Variants in VCL observed in about 807,000 individuals in gnomAD.
The protein encoded by VCL is vinculin.
In VCL, 47 loss-of-function variants were observed where a neutral mutation model predicts 125.7. That is an observed-to-expected ratio of 0.37 (90% confidence interval 0.30 to 0.48). The LOEUF is 0.48. Ranked by LOEUF, VCL falls within the 20% of genes least tolerant of loss-of-function variation. The pLI is 0.99. For missense variants in VCL, 1,069 were observed against 1,455.5 expected (o/e 0.73, Z 4.32); for synonymous variants, 458 against 514.6 (o/e 0.89, Z 1.49).
At chr10:74,090,274 C>G in intron 10 of VCL, 76 bp downstream of exon 10, 2 of 1,540,258 alleles carry the variant, frequency 1.3e-6, no homozygotes, top group Non-Finnish European at 8.9e-7. Flanking sequence ...CCCTTTCTTT[C>G]TTTCTTCCCC....
intron 2 of VCL, among the ~76,000 whole-genome samples, chr10:74,060,482 A>G (rs1316074175): frequency 1.3e-5 from 2 of 151,536 alleles, no homozygotes; most frequent in African/African-American, 4.9e-5. Context: ...ATGAAACCTC[A>G]TCTCTACGCA....
intron 1 of VCL, among the ~76,000 whole-genome samples, chr10:74,033,539 A>G (rs990997349): frequency 5.3e-5 from 8 of 152,116 alleles, no homozygotes; most frequent in African/African-American, 1.9e-4. Context: ...GGCTTTTATG[A>G]CAGAGTTCTA....
chr10:74,108,978 A>G lies in VCL; in HGVS notation c.2567A>G (p.Asp856Gly). ...PPDLEQLRLT[D>G]ELAPPKPPLP... is the part of the protein sequence containing the mutation. ...TTGTTTTCTCTTTTTTAGCTAACAG[A>G]TGAGCTTGCTCCTCCCAAACCACCT... Residue 856 changes from aspartate (D) to glycine (G), a missense_variant, in exon 18 of 22, where the codon GAT becomes GGT. This residue lies in a region of VCL where 760 missense variants were observed against 928.9 expected (regional missense o/e 0.82). Coordinates refer to ENST00000211998, the MANE Select transcript of VCL (RefSeq NM_014000.3). 6.2e-7 allele frequency: 1 copy of G among 1,614,088 alleles called. No homozygotes were observed. The highest frequency in any genetic ancestry group is 8.5e-7 in the Non-Finnish European group (1 of 1,180,012).
chr10:74,069,016 C>A (rs977031613), intron 2 of VCL, among the ~76,000 whole-genome samples: 6 of 151,708 alleles, frequency 4.0e-5, no homozygotes, highest in Admixed American at 3.3e-4. Context: ...TTGCCCTTCA[C>A]TGATATTTAT....
intron 2 of VCL, among the ~76,000 whole-genome samples, chr10:74,068,603 G>T (rs140149068): frequency 6.6e-6 from 1 of 152,270 alleles, no homozygotes; most frequent in African/African-American, 2.4e-5. Flanking sequence ...GGGATTACAC[G>T]TGTGAGCCAC....
chr10:74,086,143 G>A (rs527260629), intron 8 of VCL, among the ~76,000 whole-genome samples: 43 of 152,252 alleles, frequency 2.8e-4, no homozygotes, highest in Middle Eastern at 3.4e-3. Context: ...CTGGGATTAC[G>A]GGTGTGAGCC....
At chr10:74,064,411 C>CT (rs368440267) in intron 2 of VCL, among the ~76,000 whole-genome samples, 107 of 146,526 alleles carry the variant, frequency 7.3e-4, no homozygotes, top group Admixed American at 1.1e-3. Flanking sequence ...ACAAAAGACA[C>CT]TTTTTTTTTT....
chr10:74,094,381 A>C lies in VCL; in HGVS notation c.1463A>C (p.Lys488Thr). Residue 488 changes from lysine (K) to threonine (T), a missense_variant, in exon 11 of 22, where the codon AAA becomes ACA. Transcript: ENST00000211998. Reference sequence around the variant, plus strand: ...GCTGTGGCCAACAGCAGACCGGCCAAAGCAGCTGTACACCTTGAGGGCAAG... The same window carrying C: ...GCTGTGGCCAACAGCAGACCGGCCACAGCAGCTGTACACCTTGAGGGCAAG... ...NRAVANSRPA[K>T]AAVHLEGKIE... 1.2e-6 allele frequency: 2 copies of C among 1,614,172 alleles called. No individual in the cohort carries two copies. Among genetic ancestry groups the C allele is most frequent in the Non-Finnish European group, 1.7e-6 (2 of 1,180,024 alleles).
chr10:74,061,188 A>G (rs1841473952), intron 2 of VCL, among the ~76,000 whole-genome samples: 1 of 152,224 alleles, frequency 6.6e-6, no homozygotes, highest in Non-Finnish European at 1.5e-5. Context: ...GGGAGCTTGA[A>G]TGTTTAAATA....
chr10:74,019,815 C>T (rs1313705011), intron 1 of VCL, among the ~76,000 whole-genome samples: 1 of 152,172 alleles, frequency 6.6e-6, no homozygotes, highest in Non-Finnish European at 1.5e-5. Context: ...CTAATCCCTG[C>T]ACTTTAGGAG....
In VCL at chr10:74,048,889, G is replaced by A. The variant is rs151084758; in HGVS notation, c.239+5736G>A. ...TAATCCCAGCACTTTGGGAGGCCGA[G>A]GCGGGGGGATTGTGAGGTCAGGAGA... On this transcript the variant is annotated intron_variant, in intron 2 of 21. Coordinates refer to ENST00000211998, the MANE Select transcript of VCL (RefSeq NM_014000.3). Among the ~76,000 whole-genome samples the A allele has an allele frequency of 2.5e-3, 384 of 152,320 alleles. 4 individuals are homozygous for A. Among genetic ancestry groups the A allele is most frequent in the Middle Eastern group, 0.02 (6 of 294 alleles).
chr10:74,102,161 G>A (rs1334624913), intron 14 of VCL, among the ~76,000 whole-genome samples: 1 of 151,826 alleles, frequency 6.6e-6, no homozygotes, highest in Non-Finnish European at 1.5e-5. Flanking sequence ...TACTGCGGCC[G>A]GCTTGGATAA....
intron 1 of VCL, among the ~76,000 whole-genome samples, chr10:74,010,202 G>T (rs1408673162): frequency 6.6e-6 from 1 of 152,212 alleles, no homozygotes; most frequent in African/African-American, 2.4e-5. Flanking sequence ...TGGGATTACA[G>T]GCTGTGAGCC....
rs555181006 is a variant in VCL, at chr10:74,032,229, C to G, written c.169-10854C>G. 5.5e-5 allele frequency among the ~76,000 whole-genome samples: 7 copies of G among 126,252 alleles called. No individual in the cohort carries two copies. The East Asian group carries it at 1.4e-3, about 26-fold the overall frequency. 82.8% of individuals were successfully genotyped at this position (126,252 alleles called of 152,430 possible). On this transcript the variant is annotated intron_variant, in intron 1 of 21. Transcript: ENST00000211998. ...CACTCTAGTCTGGGCAACAGAGACTCTGTTTCAGAATAAAAAAAAAAAAAA... is the reference window on the plus strand; with the variant it reads ...CACTCTAGTCTGGGCAACAGAGACTGTGTTTCAGAATAAAAAAAAAAAAAA...
intron 19 of VCL, among the ~76,000 whole-genome samples, chr10:74,113,599 C>A (rs1401377093): frequency 6.6e-6 from 1 of 151,350 alleles, no homozygotes; most frequent in Non-Finnish European, 1.5e-5. Context: ...TTTTCCCTCA[C>A]CCAGCTGAGA....
intron 1 of VCL, among the ~76,000 whole-genome samples, chr10:74,041,259 T>C (rs1208122673): frequency 6.6e-6 from 1 of 152,206 alleles, no homozygotes; most frequent in Admixed American, 6.5e-5. Context: ...TTCACAGATT[T>C]CTACATTAAA....
intron 2 of VCL, among the ~76,000 whole-genome samples, chr10:74,043,795 G>A (rs745404361): frequency 9.2e-5 from 14 of 151,934 alleles, no homozygotes; most frequent in Non-Finnish European, 1.6e-4. Flanking sequence ...GGGAATAATG[G>A]TAGATATAAA....
At chr10:74,093,050 ACT>A (rs966398412) in intron 10 of VCL, among the ~76,000 whole-genome samples, 3 of 152,140 alleles carry the variant, frequency 2.0e-5, no homozygotes, top group Non-Finnish European at 2.9e-5. Flanking sequence ...TAATCCTAGC[ACT>A]TTGGGAGGCT....
intron 1 of VCL, chr10:74,005,220 C>T (rs1565630814): frequency 1.3e-5 from 2 of 152,012 alleles, no homozygotes; most frequent in Admixed American, 6.6e-5. Context: ...AAGAACGAGA[C>T]AGATATCTAT....
Sources: gnomAD v4.1 joint callset for allele counts (sites outside exome capture counted in the v4.1 genomes callset) on GRCh38, gnomAD v4.1.1 for gene constraint, gnomAD v4.1.1 regional missense constraint, MANE v1.5 for transcripts, NCBI Gene and HGNC (gene_info 2026-07-23, HGNC 2026-07-21) for gene names.